SRBD1: variants seen among roughly 807,000 people sequenced by gnomAD.
SRBD1 encodes S1 RNA-binding domain-containing protein 1.
Under a neutral mutation model 115.3 loss-of-function variants are expected in SRBD1, and 88 were observed. The ratio of observed to expected loss-of-function variants is 0.76; its 90% CI spans 0.64 to 0.91. The LOEUF is 0.91. Among genes scored for constraint, SRBD1 ranks in the 40% least tolerant of loss-of-function variants. The pLI is 0.00. For synonymous variants in SRBD1, 509 were observed against 407.7 expected, an observed-to-expected ratio of 1.25 and a Z score of -2.99; for missense variants, 1,385 against 1,177.4, an observed-to-expected ratio of 1.18 and a Z score of -2.58.
chr2:45,526,333 G>C (rs1215436430), intron 14 of SRBD1, among the ~76,000 whole-genome samples: 1 of 151,942 alleles, frequency 6.6e-6, no homozygotes, highest in African/African-American at 2.4e-5. Flanking sequence ...CATGCTAACG[G>C]AAAGAAGTGA....
chr2:45,497,036 A>T (rs1415274722), intron 14 of SRBD1, among the ~76,000 whole-genome samples: 2 of 152,208 alleles, frequency 1.3e-5, no homozygotes, highest in African/African-American at 4.8e-5. Context: ...GCTGCTTCTT[A>T]ATCTAGAGTC....
chr2:45,441,946 G>A (rs886424653), intron 16 of SRBD1, among the ~76,000 whole-genome samples: 1 of 152,168 alleles, frequency 6.6e-6, no homozygotes, highest in East Asian at 1.9e-4. Context: ...AGGTTTTTAG[G>A]TCAATAAAGA....
intron 14 of SRBD1, among the ~76,000 whole-genome samples, chr2:45,518,350 C>T (rs907957171): frequency 2.6e-5 from 4 of 152,178 alleles, no homozygotes; most frequent in Non-Finnish European, 4.4e-5. Flanking sequence ...ATCCACTATA[C>T]CTACCTTCTA....
chr2:45,562,814 G>A (rs939719122), intron 9 of SRBD1, 58 bp from the exon 10 acceptor site: 3 of 1,145,080 alleles, frequency 2.6e-6, no homozygotes, highest in Non-Finnish European at 3.7e-6. Flanking sequence ...AACAAATCAG[G>A]CGACTATGTA....
intron 15 of SRBD1, among the ~76,000 whole-genome samples, chr2:45,486,520 G>T (rs891602358): frequency 1.3e-5 from 2 of 152,010 alleles, no homozygotes; most frequent in Admixed American, 6.6e-5. Flanking sequence ...GAGGTCAGGA[G>T]ATCGAGACCA....
At chr2:45,610,511 A>C (rs1217593190) in intron 1 of SRBD1, among the ~76,000 whole-genome samples, 1 of 152,220 alleles carries the variant, frequency 6.6e-6, no homozygotes, top group Non-Finnish European at 1.5e-5. Context: ...TATGTGGCAA[A>C]GGACTATAGC....
intron 16 of SRBD1, chr2:45,447,621 C>A (rs1011368367): frequency 6.6e-6 from 1 of 152,000 alleles, no homozygotes; most frequent in African/African-American, 2.4e-5. Flanking sequence ...GTTTCTTTTG[C>A]CAAAATAGAA....
intron 10 of SRBD1, among the ~76,000 whole-genome samples, chr2:45,557,974 T>C (rs1468355580): frequency 6.6e-6 from 1 of 152,180 alleles, no homozygotes; most frequent in Admixed American, 6.5e-5. Flanking sequence ...TATTCTCCAC[T>C]TTGGCAAAGA....
At chr2:45,416,440 AAGCTTCATC>A (rs1558565602) in intron 18 of SRBD1, among the ~76,000 whole-genome samples, 19 of 152,188 alleles carry the variant, frequency 1.2e-4, no homozygotes, top group African/African-American at 4.3e-4. Flanking sequence ...GCTTTAAAAT[AAGCTTCATC>A]AATAAGACAC....
chr2:45,454,747 C>T (rs745415936), intron 16 of SRBD1, among the ~76,000 whole-genome samples: 43 of 151,920 alleles, frequency 2.8e-4, no homozygotes, highest in Middle Eastern at 3.4e-3. Context: ...ACAAACAGCA[C>T]GGTTTTTCAT....
chr2:45,564,441 T>C (rs1441488883), intron 9 of SRBD1, among the ~76,000 whole-genome samples: 3 of 152,190 alleles, frequency 2.0e-5, no homozygotes, highest in African/African-American at 7.2e-5. Context: ...CCATCTATAT[T>C]GGAAAGGAAG....
At chr2:45,570,069 A>T (rs1160738146) in intron 9 of SRBD1, among the ~76,000 whole-genome samples, 1 of 152,216 alleles carries the variant, frequency 6.6e-6, no homozygotes, top group East Asian at 1.9e-4. Flanking sequence ...AACCATGCTC[A>T]TTCATTATGC....
At chr2:45,506,723 A>C (rs1363846559) in intron 14 of SRBD1, among the ~76,000 whole-genome samples, 1 of 152,206 alleles carries the variant, frequency 6.6e-6, no homozygotes, top group Non-Finnish European at 1.5e-5. Context: ...GGATAAAAAC[A>C]CCAATTAATA....
At chr2:45,468,041 C>T (rs1270109578) in intron 16 of SRBD1, among the ~76,000 whole-genome samples, 1 of 152,148 alleles carries the variant, frequency 6.6e-6, no homozygotes, top group Non-Finnish European at 1.5e-5. Context: ...TGGTGTACCT[C>T]TCCCAGTTCC....
At chr2:45,421,029 G>T (rs910254513) in intron 16 of SRBD1, among the ~76,000 whole-genome samples, 1 of 152,068 alleles carries the variant, frequency 6.6e-6, no homozygotes, top group African/African-American at 2.4e-5. Flanking sequence ...TTTCTGAAAG[G>T]TCCTTAAATG....
intron 9 of SRBD1, among the ~76,000 whole-genome samples, chr2:45,563,241 A>C (rs1433871950): frequency 6.6e-6 from 1 of 152,152 alleles, no homozygotes; most frequent in Non-Finnish European, 1.5e-5. Context: ...TAGAGTCACC[A>C]GTAATGTGTG....
chr2:45,562,287 G>T (rs998740049), intron 10 of SRBD1, among the ~76,000 whole-genome samples: 1 of 152,140 alleles, frequency 6.6e-6, no homozygotes, highest in Non-Finnish European at 1.5e-5. Flanking sequence ...GAGTGCAGTG[G>T]TGTGATCTCG....
intron 10 of SRBD1, among the ~76,000 whole-genome samples, chr2:45,556,619 C>T (rs942420044): frequency 2.6e-5 from 4 of 151,826 alleles, no homozygotes; most frequent in African/African-American, 4.8e-5. Flanking sequence ...TGCGCCATCC[C>T]GCCCAGCTAA....
chr2:45,561,703 A>C (rs1672669641), intron 10 of SRBD1, among the ~76,000 whole-genome samples: 1 of 152,228 alleles, frequency 6.6e-6, no homozygotes, highest in African/African-American at 2.4e-5. Flanking sequence ...TTTTGTGAGG[A>C]TCAATTACAC....
Sources: allele counts gnomAD v4.1 joint callset (sites outside exome capture counted in the v4.1 genomes callset), GRCh38; gene constraint gnomAD v4.1.1; transcripts MANE v1.5; gene names NCBI Gene and HGNC (gene_info 2026-07-23, HGNC 2026-07-21).